Variants in TBC1D9 observed in about 807,000 individuals in gnomAD.
TBC1D9 encodes the protein TBC1 domain family member 9A.
A neutral mutation model predicts 132.0 loss-of-function variants in TBC1D9; 63 were observed. The observed-to-expected ratio is 0.48, with a 90% CI of 0.39 to 0.59. TBC1D9 has a LOEUF of 0.59. Ranked by LOEUF, TBC1D9 falls within the 20% of genes least tolerant of loss-of-function variation. The probability of loss-of-function intolerance (pLI) is 0.00; values close to 1 mark genes in which losing one functional copy is unlikely to be tolerated. For missense variants in TBC1D9, 1,261 were observed against 1,592.7 expected (o/e 0.79, Z 3.54); for synonymous variants, 610 against 609.9 (o/e 1.00, Z 0.00).
At chr4:140,691,858 C>G (rs894093555) in intron 2 of TBC1D9, among the ~76,000 whole-genome samples, 1 of 152,142 alleles carries the variant, frequency 6.6e-6, no homozygotes, top group Non-Finnish European at 1.5e-5. Context: ...AATTATTCAT[C>G]TAGTTTGAAA....
intron 1 of TBC1D9, among the ~76,000 whole-genome samples, chr4:140,707,721 G>C (rs1427025454): frequency 1.3e-5 from 2 of 152,162 alleles, no homozygotes; most frequent in African/African-American, 2.4e-5. Context: ...AGCCTTGTTT[G>C]TCTGCTTGTT....
intron 17 of TBC1D9, 79 bp downstream of exon 17, chr4:140,628,221 A>T (rs1011559379): frequency 2.3e-5 from 28 of 1,239,546 alleles, no homozygotes; most frequent in Non-Finnish European, 3.2e-5. Context: ...AAAGAGGACG[A>T]TCAGGTTACA....
chr4:140,673,846 C>T (rs1737580742), intron 6 of TBC1D9, among the ~76,000 whole-genome samples: 1 of 152,192 alleles, frequency 6.6e-6, no homozygotes, highest in Non-Finnish European at 1.5e-5. Context: ...TCCAAGATCT[C>T]AACAGTGTAC....
At position 140,647,797 on chromosome 4, in the gene TBC1D9, G is replaced by A. The variant is rs568807569; in HGVS notation, c.2338-8369C>T. On this transcript the variant is annotated intron_variant, in intron 13 of 20. Transcript: ENST00000442267. The stretch of plus-strand genomic sequence containing the variant: ...GAACACAGTGGCCCTTCCCTCTGGA[G>A]CAAATGGTCCCAACCTAAATGTAAA... Among the ~76,000 whole-genome samples, 12 of 152,284 alleles carry A rather than the reference G, an allele frequency of 7.9e-5. No individual in the cohort carries two copies. In the South Asian group the frequency reaches 2.5e-3, roughly 32 times the overall value.
At chr4:140,680,222 T>C (rs1737683119) in intron 3 of TBC1D9, among the ~76,000 whole-genome samples, 1 of 152,172 alleles carries the variant, frequency 6.6e-6, no homozygotes, top group Non-Finnish European at 1.5e-5. Context: ...TAAAAATTCA[T>C]CATGAATGAG....
chr4:140,622,046 T>C lies in TBC1D9; in HGVS notation c.*149A>G, dbSNP rs560923354. The C allele has an allele frequency of 3.5e-6, 4 of 1,143,320 alleles. No homozygotes were observed. The highest frequency in any genetic ancestry group is 6.1e-5 in the Admixed American group (2 of 33,008). The allele number at this position is 1,143,320 out of a possible 1,614,324, so 70.8% of individuals were successfully genotyped here. A position where few individuals can be genotyped will look rare whatever the true frequency, so the allele number is the denominator to read the frequency against. Reference sequence around the variant, plus strand: ...TGTTTAAATATTTCTCCAACAGTTTTCATTGAATTACATTATGAAAACACT... The same window carrying C: ...TGTTTAAATATTTCTCCAACAGTTTCCATTGAATTACATTATGAAAACACT... On this transcript the variant is annotated 3_prime_UTR_variant, in exon 21 of 21. Transcript: ENST00000442267.
rs1349998541 is a variant in TBC1D9, at chr4:140,621,579, A to C, written c.*616T>G. On this transcript the variant is annotated 3_prime_UTR_variant, in exon 21 of 21. Coordinates refer to ENST00000442267, the MANE Select transcript of TBC1D9 (RefSeq NM_015130.3). ...GTTATTCTGGAATCATGTAAAAATC[A>C]CTTACTTTCATAACTGTTTAGAACC... 2 of 152,226 alleles carry C rather than the reference A, an allele frequency of 1.3e-5. No homozygotes were observed. Among genetic ancestry groups the C allele is most frequent in the Non-Finnish European group, 2.9e-5 (2 of 68,026 alleles). The allele number at this position is 152,226 out of a possible 1,614,324, so 9.4% of individuals were successfully genotyped here. A position where few individuals can be genotyped will look rare whatever the true frequency, so the allele number is the denominator to read the frequency against.
In TBC1D9 at chr4:140,620,885, A is replaced by AAC. The variant is rs1192058578; in HGVS notation, c.*1308_*1309dup. ...TCATCCTGTAAATAGAATAAAAAAC[A>AAC]ACAGCAGCAATAGCTAAAAAAAGGA... On this transcript the variant is annotated 3_prime_UTR_variant, in exon 21 of 21. Coordinates refer to ENST00000442267, the MANE Select transcript of TBC1D9 (RefSeq NM_015130.3). 2.6e-5 allele frequency: 4 copies of AAC among 152,656 alleles called. No homozygotes were observed. Among genetic ancestry groups the AAC allele is most frequent in the Non-Finnish European group, 5.9e-5 (4 of 68,012 alleles). The allele number at this position is 152,656 out of a possible 1,614,324, so 9.5% of individuals were successfully genotyped here. A position where few individuals can be genotyped will look rare whatever the true frequency, so the allele number is the denominator to read the frequency against.
At chr4:140,736,500 G>T (rs567873415) in intron 1 of TBC1D9, among the ~76,000 whole-genome samples, 2 of 151,950 alleles carry the variant, frequency 1.3e-5, no homozygotes, top group East Asian at 3.9e-4. Context: ...AGATCATGCC[G>T]CTGTACTCCA....
intron 1 of TBC1D9, among the ~76,000 whole-genome samples, chr4:140,717,322 T>C (rs1578854139): frequency 6.6e-6 from 1 of 152,192 alleles, no homozygotes; most frequent in African/African-American, 2.4e-5. Flanking sequence ...AAAGCCCAAG[T>C]TGTTGTTTTT....
Position 140,631,460 on chromosome 4 carries a change from A to G in TBC1D9, c.2746+2488T>C, listed in dbSNP as rs545269889. ...ATGGTCTTGATCTCCTGACCCCATG[A>G]TCTGCCTGCCTCAGCCTGAAACCCC... On this transcript the variant is annotated intron_variant, in intron 16 of 20. Coordinates refer to ENST00000442267, the MANE Select transcript of TBC1D9 (RefSeq NM_015130.3). Among the ~76,000 whole-genome samples, 24 of 152,024 alleles carry G rather than the reference A, an allele frequency of 1.6e-4. No individual in the cohort carries two copies. In the South Asian group the frequency reaches 3.7e-3, roughly 24 times the overall value.
At chr4:140,646,643 T>C (rs564329042) in intron 13 of TBC1D9, among the ~76,000 whole-genome samples, 1 of 152,212 alleles carries the variant, frequency 6.6e-6, no homozygotes, top group East Asian at 1.9e-4. Context: ...CCTTTTACTT[T>C]CTGTTTTGGA....
In TBC1D9 at chr4:140,634,034, G is replaced by C; in HGVS notation, c.2660C>G (p.Ser887Cys). ...LLFPWACGTH[S>C]DVLASRLFQL... ...GAACAAGCGGGAGGCCAGAACGTCA[G>C]AGTGAGTTCCACATGCCCAAGGAAA... Residue 887 changes from serine (S) to cysteine (C), a missense_variant, in exon 16 of 21, where the codon TCT becomes TGT. Ser to Cys is a moderately radical substitution (Grantham distance 112). Around this residue, in one of 3 missense-constraint regions of TBC1D9, gnomAD observed 618 missense variants for 724.4 expected, o/e 0.85. Transcript: ENST00000442267. 1 of 1,614,010 alleles carries C rather than the reference G, an allele frequency of 6.2e-7. No homozygotes were observed. The highest frequency in any genetic ancestry group is 8.5e-7 in the Non-Finnish European group (1 of 1,179,884).
intron 1 of TBC1D9, among the ~76,000 whole-genome samples, chr4:140,748,787 G>A (rs116365903): frequency 3.4e-4 from 52 of 152,238 alleles, no homozygotes; most frequent in African/African-American, 1.1e-3. Context: ...GCAGGTCCTC[G>A]CTAAAGGAAA....
intron 6 of TBC1D9, among the ~76,000 whole-genome samples, chr4:140,671,788 T>C (rs1370750964): frequency 6.6e-6 from 1 of 151,956 alleles, no homozygotes; most frequent in Admixed American, 6.6e-5. Context: ...AATAGGATTT[T>C]CATCAACTAG....
intron 1 of TBC1D9, among the ~76,000 whole-genome samples, chr4:140,741,442 T>C (rs12501235): frequency 0.03 from 4,505 of 152,146 alleles, 90 homozygotes; most frequent in Admixed American, 0.06. Flanking sequence ...TCAGGCCAGG[T>C]GTGGTGCCTC....
In TBC1D9 at chr4:140,657,221, A is replaced by C; in HGVS notation, c.2213T>G (p.Leu738Ter). 1.2e-6 allele frequency: 2 copies of C among 1,613,182 alleles called. No homozygotes were observed. The highest frequency in any genetic ancestry group is 1.7e-6 in the Non-Finnish European group (2 of 1,179,664). The stretch of plus-strand genomic sequence containing the variant: ...GCTGTCTTTATTGGTCACACTGTCT[A>C]AATACCTGGAAGAAGAATGCATCAG... Reference protein sequence around the residue: ...GEAMTVLGRYLDSVTNKDSTL... With the variant: ...GEAMTVLGRY Residue 738 changes from leucine to a stop codon, truncating the protein, a stop_gained, in exon 13 of 21, where the codon TTA becomes TGA. Coordinates refer to ENST00000442267, the MANE Select transcript of TBC1D9 (RefSeq NM_015130.3). LOFTEE classifies it high-confidence loss of function.
Position 140,670,920 on chromosome 4 carries a change from T to C in TBC1D9, c.1066A>G (p.Ile356Val), listed in dbSNP as rs768905245. The C allele has an allele frequency of 5.6e-6, 9 of 1,613,662 alleles. No individual in the cohort carries two copies. Among genetic ancestry groups the C allele is most frequent in the Non-Finnish European group, 7.6e-6 (9 of 1,179,764 alleles). Residue 356 changes from isoleucine to valine, a missense_variant, in exon 7 of 21, where the codon ATT becomes GTT. This residue lies in a region of TBC1D9 where 550 missense variants were observed against 699.0 expected (regional missense o/e 0.79). Coordinates refer to ENST00000442267, the MANE Select transcript of TBC1D9 (RefSeq NM_015130.3). Reference sequence around the variant, plus strand: ...CTGGAGCTGTCTGCCTTTTCCACAATTGTCACCTGAAAAGAAGTGGGAAAC... The same window carrying C: ...CTGGAGCTGTCTGCCTTTTCCACAACTGTCACCTGAAAAGAAGTGGGAAAC... The part of the protein sequence containing the change: ...SLIIPLREVT[I>V]VEKADSSSVL...
chr4:140,746,992 C>A (rs1314792246), intron 1 of TBC1D9, among the ~76,000 whole-genome samples: 1 of 151,588 alleles, frequency 6.6e-6, no homozygotes, highest in African/African-American at 2.4e-5. Flanking sequence ...TATAGTGAGA[C>A]CCCATCTCTA....
Sources: gnomAD v4.1 joint callset for allele counts (sites outside exome capture counted in the v4.1 genomes callset) on GRCh38, gnomAD v4.1.1 for gene constraint, gnomAD v4.1.1 regional missense constraint, MANE v1.5 for transcripts, NCBI Gene and HGNC (gene_info 2026-07-23, HGNC 2026-07-21) for gene names.